The following MICU1 variants were observed in gnomAD, a reference collection of about 807,000 sequenced individuals.
MICU1 encodes calcium uptake protein 1, mitochondrial.
MICU1 carries 45 observed loss-of-function variants against 56.8 expected under a neutral mutation model. The ratio of observed to expected loss-of-function variants is 0.79; its 90% CI spans 0.62 to 1.02. The LOEUF (loss-of-function observed/expected upper bound fraction) is 1.02, where lower values mean the gene tolerates loss of function less well. MICU1 is among the 50% of genes least tolerant of loss of function. The probability of loss-of-function intolerance (pLI) is 0.00; values close to 1 mark genes in which losing one functional copy is unlikely to be tolerated. For missense variants in MICU1, 504 were observed against 587.1 expected, an observed-to-expected ratio of 0.86 and a Z score of 1.46; for synonymous variants, 186 against 195.1, an observed-to-expected ratio of 0.95 and a Z score of 0.39.
chr10:72,478,052 AGAG>A (rs1866178573), intron 6 of MICU1, among the ~76,000 whole-genome samples: 1 of 152,042 alleles, frequency 6.6e-6, no homozygotes, highest in Non-Finnish European at 1.5e-5. Flanking sequence ...TATTTTTAGC[AGAG>A]ACGGGGTTTC....
At chr10:72,623,943 C>T (rs1842171420) in intron 1 of MICU1, among the ~76,000 whole-genome samples, 1 of 151,790 alleles carries the variant, frequency 6.6e-6, no homozygotes, top group South Asian at 2.1e-4. Flanking sequence ...AAAAGGGATA[C>T]ACTAAACAAC....
At chr10:72,480,081 G>A (rs774643464) in intron 6 of MICU1, among the ~76,000 whole-genome samples, 6 of 152,178 alleles carry the variant, frequency 3.9e-5, no homozygotes, top group Admixed American at 6.5e-5. Context: ...GGAAAAGAAA[G>A]GCCAGCTTTA....
Position 72,375,792 on chromosome 10 carries a change from C to G in MICU1, c.1261G>C (p.Asp421His), listed in dbSNP as rs1471814508. The G allele has an allele frequency of 1.2e-6, 2 of 1,612,634 alleles. No homozygotes were observed. The highest frequency in any genetic ancestry group is 1.7e-6 in the Non-Finnish European group (2 of 1,179,476). ...HVCDVVFALF[D>H]CDGNGELSNK... ...AGAGGGCCCCACTCACCATCACAGTCAAAGAGTGCAAACACCACATCACAC... is the reference window on the plus strand; with the variant it reads ...AGAGGGCCCCACTCACCATCACAGTGAAAGAGTGCAAACACCACATCACAC... Residue 421 changes from aspartate (D) to histidine (H), a missense_variant, in exon 11 of 12, where the codon GAC becomes CAC. Coordinates refer to ENST00000361114, the MANE Select transcript of MICU1 (RefSeq NM_001195518.2).
intron 4 of MICU1, among the ~76,000 whole-genome samples, chr10:72,544,836 G>A (rs770459349): frequency 2.6e-5 from 4 of 152,090 alleles, no homozygotes; most frequent in Non-Finnish European, 4.4e-5. Context: ...TTGACATTTG[G>A]TACAGAAGAA....
At chr10:72,476,988 G>A (rs1283047609) in intron 7 of MICU1, among the ~76,000 whole-genome samples, 186 bp downstream of exon 7, 2 of 152,168 alleles carry the variant, frequency 1.3e-5, no homozygotes, top group African/African-American at 4.8e-5. Context: ...ATTACATTTA[G>A]AGTGAAAACA....
intron 5 of MICU1, among the ~76,000 whole-genome samples, chr10:72,521,137 A>G (rs753015292): frequency 4.6e-5 from 7 of 152,230 alleles, no homozygotes; most frequent in Non-Finnish European, 7.4e-5. Context: ...ATCTTGAAAA[A>G]TAAGTCAATA....
chr10:72,446,332 T>G (rs903987657), intron 8 of MICU1, among the ~76,000 whole-genome samples: 3 of 150,224 alleles, frequency 2.0e-5, no homozygotes, highest in Admixed American at 6.6e-5. Context: ...TATTTTTGTT[T>G]CGTTTTTTTG....
At chr10:72,618,243 T>C (rs915133920) in intron 1 of MICU1, among the ~76,000 whole-genome samples, 3 of 152,016 alleles carry the variant, frequency 2.0e-5, no homozygotes, top group Non-Finnish European at 4.4e-5. Flanking sequence ...CACAAACACA[T>C]TGTTTTCTAA....
intron 1 of MICU1, among the ~76,000 whole-genome samples, chr10:72,584,096 T>C (rs1003563585): frequency 2.6e-5 from 4 of 152,210 alleles, no homozygotes; most frequent in African/African-American, 9.6e-5. Flanking sequence ...GCTTTGCACA[T>C]GTTCTGTTAA....
intron 11 of MICU1, among the ~76,000 whole-genome samples, chr10:72,373,690 G>C (rs1443740373): frequency 6.6e-6 from 1 of 152,150 alleles, no homozygotes; most frequent in Non-Finnish European, 1.5e-5. Flanking sequence ...GGGGGGACTT[G>C]AGAAGCTAGT....
At chr10:72,382,276 A>ATTT (rs71018281) in intron 10 of MICU1, among the ~76,000 whole-genome samples, 11 of 143,764 alleles carry the variant, frequency 7.7e-5, no homozygotes, top group Non-Finnish European at 1.2e-4. Flanking sequence ...CGTCCGGCTA[A>ATTT]TTTTTTTTTT....
chr10:72,404,550 T>A (rs1265006563), intron 10 of MICU1, among the ~76,000 whole-genome samples: 3 of 148,686 alleles, frequency 2.0e-5, no homozygotes, highest in African/African-American at 5.2e-5. Flanking sequence ...AATATTTTTT[T>A]AAAAAAGAAA....
chr10:72,536,552 C>T (rs931122579), intron 4 of MICU1, among the ~76,000 whole-genome samples: 1 of 151,774 alleles, frequency 6.6e-6, no homozygotes, highest in African/African-American at 2.4e-5. Context: ...AGGGTTTCAC[C>T]GTGTTAGTCA....
intron 6 of MICU1, among the ~76,000 whole-genome samples, chr10:72,488,721 T>C (rs1866554017): frequency 6.6e-6 from 1 of 152,184 alleles, no homozygotes; most frequent in African/African-American, 2.4e-5. Flanking sequence ...TGCACCAGCA[T>C]CTTCCTAATT....
intron 9 of MICU1, among the ~76,000 whole-genome samples, chr10:72,414,661 C>T (rs969881289): frequency 1.3e-5 from 2 of 151,960 alleles, no homozygotes; most frequent in African/African-American, 2.4e-5. Context: ...TAAAAATCAC[C>T]GAATTGTACA....
intron 10 of MICU1, among the ~76,000 whole-genome samples, chr10:72,389,446 C>A (rs1003777748): frequency 6.6e-6 from 1 of 152,100 alleles, no homozygotes; most frequent in African/African-American, 2.4e-5. Context: ...GCAGAAAGCT[C>A]CTGTAGGAGT....
intron 1 of MICU1, among the ~76,000 whole-genome samples, chr10:72,592,282 C>T (rs148214663): frequency 0.022 from 3,281 of 151,940 alleles, 120 homozygotes; most frequent in African/African-American, 0.076. Context: ...GCTGGGATTA[C>T]AGGTGTGGAG....
intron 1 of MICU1, among the ~76,000 whole-genome samples, chr10:72,578,421 C>CTTTTTTT (rs34573464): frequency 7.4e-6 from 1 of 134,708 alleles, no homozygotes; most frequent in Non-Finnish European, 1.6e-5. Context: ...CCATGCCTGG[C>CTTTTTTT]TTTTTTTTTT....
At chr10:72,448,690 C>T (rs1422159300) in intron 8 of MICU1, among the ~76,000 whole-genome samples, 1 of 152,038 alleles carries the variant, frequency 6.6e-6, no homozygotes, top group African/African-American at 2.4e-5. Context: ...AGTCCAAACA[C>T]AGGCAGGTGA....
Sources: allele counts gnomAD v4.1 joint callset (sites outside exome capture counted in the v4.1 genomes callset), GRCh38; gene constraint gnomAD v4.1.1; transcripts MANE v1.5; gene names NCBI Gene and HGNC (gene_info 2026-07-23, HGNC 2026-07-21).